Variants in ATP6V0D2 observed in about 807,000 individuals in gnomAD.
ATP6V0D2 encodes the protein V-type proton ATPase subunit d 2.
A neutral mutation model predicts 40.0 loss-of-function variants in ATP6V0D2; 40 were observed. The ratio of observed to expected loss-of-function variants is 1.00; its 90% CI spans 0.78 to 1.30. ATP6V0D2 has a LOEUF of 1.30. Among genes scored for constraint, ATP6V0D2 ranks in the 50% most tolerant of loss-of-function variants. The probability of loss-of-function intolerance (pLI) is 0.00; values close to 1 mark genes in which losing one functional copy is unlikely to be tolerated. For missense variants in ATP6V0D2, 470 were observed against 423.1 expected (o/e 1.11, Z -0.97); for synonymous variants, 179 against 156.3 (o/e 1.15, Z -1.08).
chr8:86,131,735 C>T (rs192880766), intron 2 of ATP6V0D2, among the ~76,000 whole-genome samples: 13 of 150,166 alleles, frequency 8.7e-5, no homozygotes, highest in Admixed American at 3.3e-4. Flanking sequence ...TCCTGACCTC[C>T]GGTGATTTGC....
Position 86,151,571 on chromosome 8 carries a change from AT to A in ATP6V0D2, c.891+36del, listed in dbSNP as rs1483526990. 17 of 1,517,050 alleles carry A rather than the reference AT, an allele frequency of 1.1e-5. No homozygotes were observed. The Admixed American group carries it at 3.1e-4, about 27-fold the overall frequency. The allele number at this position is 1,517,050 out of a possible 1,614,324, so 94.0% of individuals were successfully genotyped here. A position where few individuals can be genotyped will look rare whatever the true frequency, so the allele number is the denominator to read the frequency against. ...ATATAAGTGGAAATACTATTAGCTTATTTTTCTCTTACTGTGGATTTTATAT... is the reference window on the plus strand; with the variant it reads ...ATATAAGTGGAAATACTATTAGCTTATTTTCTCTTACTGTGGATTTTATAT... On this transcript the variant is annotated intron_variant, in intron 7 of 7. Coordinates refer to ENST00000285393, the MANE Select transcript of ATP6V0D2 (RefSeq NM_152565.1).
Position 86,126,484 on chromosome 8 carries a change from C to T in ATP6V0D2, c.302+12604C>T, listed in dbSNP as rs192843562. 4.3e-4 allele frequency among the ~76,000 whole-genome samples: 65 copies of T among 151,580 alleles called. 2 individuals carry two copies. The highest frequency in any genetic ancestry group is 1.5e-3 in the African/African-American group (61 of 41,390). On this transcript the variant is annotated intron_variant, in intron 2 of 7. Coordinates refer to ENST00000285393, the MANE Select transcript of ATP6V0D2 (RefSeq NM_152565.1). ...CTATGTTTGAAATGAACATGTAAAA[C>T]GACTTACTCAAAAGCACACAGCTCT...
chr8:86,141,516 A>G lies in ATP6V0D2; in HGVS notation c.548A>G (p.Asn183Ser). 1.9e-6 allele frequency: 3 copies of G among 1,605,450 alleles called. No individual in the cohort carries two copies. The highest frequency in any genetic ancestry group is 2.6e-6 in the Non-Finnish European group (3 of 1,174,158). Residue 183 changes from asparagine to serine, a missense_variant, in exon 4 of 8, where the codon AAT becomes AGT. By Grantham distance (46) the Asn-to-Ser change is conservative. Coordinates refer to ENST00000285393, the MANE Select transcript of ATP6V0D2 (RefSeq NM_152565.1). ...LDELNIELLR[N>S]KLYKSYLEAF... The stretch of plus-strand genomic sequence containing the variant: ...GAACTGAATATTGAATTGCTACGCA[A>G]TAAACTATACAAGGTAATGGTTTTC...
chr8:86,127,156 G>C (rs1377970940), intron 2 of ATP6V0D2, among the ~76,000 whole-genome samples: 1 of 152,184 alleles, frequency 6.6e-6, no homozygotes, highest in African/African-American at 2.4e-5. Flanking sequence ...TTTTAAGAGA[G>C]AGAAGAATGT....
At chr8:86,104,133 T>G (rs923914838) in intron 1 of ATP6V0D2, among the ~76,000 whole-genome samples, 1 of 152,152 alleles carries the variant, frequency 6.6e-6, no homozygotes, top group African/African-American at 2.4e-5. Context: ...TGGCCTTTTA[T>G]GTGGCATAGT....
At chr8:86,141,830 G>A (rs536299763) in intron 4 of ATP6V0D2, among the ~76,000 whole-genome samples, 1 of 152,262 alleles carries the variant, frequency 6.6e-6, no homozygotes, top group South Asian at 2.1e-4. Flanking sequence ...GAAATGGGGT[G>A]AACAATATCA....
intron 2 of ATP6V0D2, among the ~76,000 whole-genome samples, chr8:86,121,616 G>A (rs900113207): frequency 6.6e-6 from 1 of 151,204 alleles, no homozygotes; most frequent in Non-Finnish European, 1.5e-5. Flanking sequence ...AGGAGGAGGA[G>A]GAGAAGGAGA....
intron 1 of ATP6V0D2, 45 bp downstream of exon 1, chr8:86,099,153 T>C (rs750248249): frequency 1.1e-5 from 14 of 1,221,610 alleles, no homozygotes; most frequent in Non-Finnish European, 1.0e-5. Flanking sequence ...AAAAAAAAAA[T>C]GAAATGATGT....
chr8:86,151,596 A>G, intron 7 of ATP6V0D2, 56 bp downstream of exon 7: 2 of 1,407,564 alleles, frequency 1.4e-6, no homozygotes, highest in Non-Finnish European at 2.0e-6. Flanking sequence ...TGGATTTTAT[A>G]TATTTTCTTA....
At chr8:86,145,819 G>C (rs1304917066) in intron 5 of ATP6V0D2, among the ~76,000 whole-genome samples, 1 of 152,140 alleles carries the variant, frequency 6.6e-6, no homozygotes, top group Admixed American at 6.5e-5. Context: ...GTTATATCAA[G>C]ACTCATAACC....
rs376432770 is a variant in ATP6V0D2 at position 86,149,647 on chromosome 8, A to G, written c.640-465A>G. Among the ~76,000 whole-genome samples the G allele has an allele frequency of 2.1e-4, 32 of 152,368 alleles. No homozygotes were observed. The South Asian group carries it at 6.0e-3, about 29-fold the overall frequency. ...ACAACATTTCATTATGTAAAAAGTT[A>G]TGCTGACATTGACAACTAGGAAGGG... On this transcript the variant is annotated intron_variant, in intron 5 of 7. Transcript: ENST00000285393.
intron 2 of ATP6V0D2, among the ~76,000 whole-genome samples, chr8:86,119,754 TG>T (rs1233783496): frequency 2.6e-5 from 4 of 152,242 alleles, no homozygotes; most frequent in Non-Finnish European, 4.4e-5. Context: ...AAATTAGAAT[TG>T]GAAAGGTGGT....
chr8:86,119,341 G>A (rs1026200127), intron 2 of ATP6V0D2, among the ~76,000 whole-genome samples: 1 of 147,896 alleles, frequency 6.8e-6, no homozygotes, highest in Non-Finnish European at 1.5e-5. Context: ...TAATTCTCCT[G>A]CTTCAGCCTT....
At chr8:86,140,327 A>C (rs941384756) in intron 3 of ATP6V0D2, among the ~76,000 whole-genome samples, 1 of 152,136 alleles carries the variant, frequency 6.6e-6, no homozygotes, top group Non-Finnish European at 1.5e-5. Context: ...TATTTTAAAA[A>C]GCAAAAAAAA....
rs141360070 is a variant in ATP6V0D2, at chr8:86,099,012, G to C, written c.34G>C (p.Asp12His). 73 of 1,614,004 alleles carry C rather than the reference G, an allele frequency of 4.5e-5. No individual in the cohort carries two copies. Among genetic ancestry groups the C allele is most frequent in the Admixed American group, 4.3e-4 (26 of 59,990 alleles). The change falls in exon 1 of 8, where the codon GAC becomes CAC. Residue 12 changes from aspartate to histidine, a missense_variant. Asp to His is a moderately conservative substitution (Grantham distance 81). Transcript: ENST00000285393. ...AGGTGCGGAGCTGTACTTCAACGTG[G>C]ACCATGGCTACCTGGAGGGCCTGGT... ...LEGAELYFNVDHGYLEGLVRG... is the reference protein window; with the variant it reads ...LEGAELYFNVHHGYLEGLVRG...
chr8:86,115,284 G>C (rs1818578071), intron 2 of ATP6V0D2, among the ~76,000 whole-genome samples: 1 of 149,578 alleles, frequency 6.7e-6, no homozygotes, highest in South Asian at 2.2e-4. Context: ...GGAATGAAAA[G>C]AATCCGCTTA....
intron 5 of ATP6V0D2, among the ~76,000 whole-genome samples, chr8:86,145,370 GAAGGAAAGAAAAGA>G (rs1288957353): frequency 2.6e-3 from 185 of 70,676 alleles, no homozygotes; most frequent in Non-Finnish European, 1.9e-3. Context: ...AGGAAGGAAG[GAAGGAAAGAAAAGA>G]AAAGAAAAGA....
chr8:86,129,263 C>T (rs907132151), intron 2 of ATP6V0D2, among the ~76,000 whole-genome samples: 1 of 152,224 alleles, frequency 6.6e-6, no homozygotes, highest in Non-Finnish European at 1.5e-5. Flanking sequence ...CCTACTGTGA[C>T]AACTTCTTTA....
At position 86,102,316 on chromosome 8, in the gene ATP6V0D2, C is replaced by T. The variant is rs184203409; in HGVS notation, c.130+3208C>T. 1.2e-3 allele frequency among the ~76,000 whole-genome samples: 154 copies of T among 127,314 alleles called. 2 individuals carry two copies. Among genetic ancestry groups the T allele is most frequent in the Admixed American group, 4.9e-3 (63 of 12,914 alleles). 83.5% of individuals were successfully genotyped at this position (127,314 alleles called of 152,430 possible). A position where few individuals can be genotyped will look rare whatever the true frequency, so the allele number is the denominator to read the frequency against. ...GACTCAGTCTGCCCCAAGCTAGATT[C>T]AGAGCTGAGAAGAAATCAACTTGTT... On this transcript the variant is annotated intron_variant, in intron 1 of 7. Coordinates refer to ENST00000285393, the MANE Select transcript of ATP6V0D2 (RefSeq NM_152565.1).
Sources: allele counts gnomAD v4.1 joint callset (sites outside exome capture counted in the v4.1 genomes callset), GRCh38; gene constraint gnomAD v4.1.1; transcripts MANE v1.5; gene names NCBI Gene and HGNC (gene_info 2026-07-23, HGNC 2026-07-21).